KHDRBS2: variants seen among roughly 807,000 people sequenced by gnomAD.
KHDRBS2 encodes KH RNA binding domain containing, signal transduction associated 2.
In KHDRBS2, 26 loss-of-function variants were observed where a neutral mutation model predicts 44.3. That is an observed-to-expected ratio of 0.59 (90% CI 0.43 to 0.81). The LOEUF is 0.81. KHDRBS2 is among the 40% of genes least tolerant of loss of function. The pLI, the probability that KHDRBS2 is intolerant of heterozygous loss-of-function variation, is 0.00. For missense variants in KHDRBS2, 476 were observed against 433.1 expected (o/e 1.10, Z -0.88); for synonymous variants, 194 against 151.1 (o/e 1.28, Z -2.08).
At chr6:61,565,860 G>T in the KHDRBS2 span, among the ~76,000 whole-genome samples, 1 of 152,000 alleles carries the variant, frequency 6.6e-6, no homozygotes, top group African/African-American at 2.4e-5. Flanking sequence ...TCACTGCTGG[G>T]TATATATCCA....
the KHDRBS2 span, among the ~76,000 whole-genome samples, chr6:61,655,225 TACACACACACACACAC>T: frequency 6.2e-5 from 9 of 145,192 alleles, no homozygotes; most frequent in African/African-American, 2.3e-4. Context: ...CATACATACA[TACACACACACACACAC>T]ACACACACAC....
intron 1 of KHDRBS2, among the ~76,000 whole-genome samples, chr6:62,249,765 T>C (rs1585418108): frequency 6.6e-6 from 1 of 152,220 alleles, no homozygotes; most frequent in Middle Eastern, 3.4e-3. Context: ...GTGGAATTAT[T>C]CAGAAAAGTA....
chr6:62,040,278 GA>G (rs1786178301), intron 3 of KHDRBS2, among the ~76,000 whole-genome samples: 1 of 151,868 alleles, frequency 6.6e-6, no homozygotes, highest in African/African-American at 2.4e-5. Flanking sequence ...CACCCGTCTA[GA>G]AATGATCAAT....
chr6:62,073,164 T>C (rs1001307135), intron 2 of KHDRBS2, among the ~76,000 whole-genome samples: 2 of 151,906 alleles, frequency 1.3e-5, no homozygotes, highest in African/African-American at 2.4e-5. Flanking sequence ...CTTTGAATGG[T>C]AAAACTCATT....
intron 6 of KHDRBS2, among the ~76,000 whole-genome samples, chr6:61,851,780 G>C (rs979189211): frequency 1.3e-5 from 2 of 152,162 alleles, no homozygotes; most frequent in Non-Finnish European, 1.5e-5. Context: ...TGTTAAAAAA[G>C]ATATTCAATA....
chr6:61,748,743 C>T (rs768168187), intron 6 of KHDRBS2, among the ~76,000 whole-genome samples: 3 of 151,922 alleles, frequency 2.0e-5, no homozygotes, highest in South Asian at 2.1e-4. Flanking sequence ...TTCCAAATTT[C>T]GCATTGTGTT....
At chr6:61,675,766 G>C (rs1328225724), downstream of KHDRBS2, among the ~76,000 whole-genome samples, 1 of 151,666 alleles carries the variant, frequency 6.6e-6, no homozygotes, top group Non-Finnish European at 1.5e-5. Flanking sequence ...ACTTTGTTTA[G>C]TTAGTCTGAT....
the KHDRBS2 span, among the ~76,000 whole-genome samples, chr6:61,673,186 G>C: frequency 1.3e-5 from 2 of 151,990 alleles, no homozygotes; most frequent in Non-Finnish European, 2.9e-5. Context: ...TGAGGGCTCT[G>C]TTCTGTTCTA....
chr6:61,684,643 A>G (rs1766633865), intron 8 of KHDRBS2, among the ~76,000 whole-genome samples: 1 of 151,804 alleles, frequency 6.6e-6, no homozygotes, highest in Non-Finnish European at 1.5e-5. Flanking sequence ...AATAAGTAAG[A>G]TTCTCTCAAT....
At chr6:62,050,590 T>TCA (rs150450275) in intron 2 of KHDRBS2, among the ~76,000 whole-genome samples, 3,731 of 151,574 alleles carry the variant, frequency 0.025, 165 homozygotes, top group African/African-American at 0.084. Context: ...ATGGTAAATC[T>TCA]CACACACACA....
chr6:61,687,086 C>T (rs1213322489), intron 8 of KHDRBS2, among the ~76,000 whole-genome samples: 1 of 151,636 alleles, frequency 6.6e-6, no homozygotes, highest in African/African-American at 2.4e-5. Flanking sequence ...ACATGTATTC[C>T]CACTATTTGT....
intron 2 of KHDRBS2, among the ~76,000 whole-genome samples, chr6:62,125,863 G>T (rs1192493228): frequency 6.6e-6 from 1 of 152,162 alleles, no homozygotes; most frequent in African/African-American, 2.4e-5. Flanking sequence ...TTCACCTTGG[G>T]CCTTGGGTGA....
At chr6:61,716,379 C>T (rs1274903309) in intron 7 of KHDRBS2, among the ~76,000 whole-genome samples, 2 of 151,884 alleles carry the variant, frequency 1.3e-5, no homozygotes, top group Non-Finnish European at 2.9e-5. Flanking sequence ...AACAAGCCAC[C>T]CTTGTTGTAC....
chr6:61,724,750 G>T (rs1773269196), intron 7 of KHDRBS2, among the ~76,000 whole-genome samples: 1 of 152,112 alleles, frequency 6.6e-6, no homozygotes, highest in African/African-American at 2.4e-5. Flanking sequence ...AACTCAACAA[G>T]AAGAGCTAAC....
chr6:61,866,990 ATCT>A (rs1167671981), intron 6 of KHDRBS2, among the ~76,000 whole-genome samples: 13 of 152,164 alleles, frequency 8.5e-5, no homozygotes, highest in Non-Finnish European at 1.6e-4. Context: ...ACATTTTCCT[ATCT>A]TCTTCTGAGC....
the KHDRBS2 span, among the ~76,000 whole-genome samples, chr6:61,615,233 C>CAAAAAAAAAAAAAAAA: frequency 8.2e-4 from 48 of 58,404 alleles, no homozygotes; most frequent in East Asian, 2.1e-3. Context: ...ACTCCATCTC[C>CAAAAAAAAAAAAAAAA]AAAAAAAAAA....
At chr6:61,604,999 C>A in the KHDRBS2 span, among the ~76,000 whole-genome samples, 1 of 152,136 alleles carries the variant, frequency 6.6e-6, no homozygotes, top group Non-Finnish European at 1.5e-5. Flanking sequence ...TCCTTACCAT[C>A]CTCAATCTTC....
chr6:62,200,080 T>C (rs1335252243), intron 1 of KHDRBS2, among the ~76,000 whole-genome samples: 1 of 152,060 alleles, frequency 6.6e-6, no homozygotes, highest in East Asian at 1.9e-4. Context: ...ATACAAAAAT[T>C]AATTCAAGAT....
At chr6:62,099,364 A>T (rs914385833) in intron 2 of KHDRBS2, among the ~76,000 whole-genome samples, 1 of 152,170 alleles carries the variant, frequency 6.6e-6, no homozygotes, top group African/African-American at 2.4e-5. Context: ...ATAGTGCCCA[A>T]AATCCAGGTT....
Sources: gnomAD v4.1 joint callset for allele counts (sites outside exome capture counted in the v4.1 genomes callset) on GRCh38, gnomAD v4.1.1 for gene constraint, MANE v1.5 for transcripts, NCBI Gene and HGNC (gene_info 2026-07-23, HGNC 2026-07-21) for gene names.